Variants in TNS1 observed in about 807,000 individuals in gnomAD.
TNS1 encodes tensin-1.
Under a neutral mutation model 168.6 loss-of-function variants are expected in TNS1, and 62 were observed. The ratio of observed to expected loss-of-function variants is 0.37; its 90% CI spans 0.30 to 0.45. TNS1 has a LOEUF of 0.45. TNS1 is among the 20% of genes least tolerant of loss of function. The probability of loss-of-function intolerance (pLI) is 1.00; values close to 1 mark genes in which losing one functional copy is unlikely to be tolerated. For synonymous variants in TNS1, 934 were observed against 933.2 expected (o/e 1.00, Z -0.02); for missense variants, 2,240 against 2,339.4 (o/e 0.96, Z 0.88).
upstream of TNS1, among the ~76,000 whole-genome samples, chr2:218,013,604 G>A (rs1299986441): frequency 2.0e-5 from 3 of 151,290 alleles, no homozygotes; most frequent in Non-Finnish European, 4.4e-5. Context: ...CTATCCTCTG[G>A]GGACTGCTTG....
At chr2:218,006,642 G>C (rs181269610), upstream of TNS1, among the ~76,000 whole-genome samples, 41 of 152,310 alleles carry the variant, frequency 2.7e-4, no homozygotes, top group African/African-American at 9.6e-4. Flanking sequence ...GGGGTCACAA[G>C]GGCCTGGTGA....
At chr2:217,845,044 G>A (rs936748276) in intron 19 of TNS1, among the ~76,000 whole-genome samples, 3 of 152,216 alleles carry the variant, frequency 2.0e-5, no homozygotes, top group African/African-American at 7.2e-5. Context: ...TAAATTTCTG[G>A]TCCCTACCCT....
At position 217,892,928 on chromosome 2, in the gene TNS1, A is replaced by C; in HGVS notation, c.782+20T>G. The C allele has an allele frequency of 6.2e-7, 1 of 1,613,646 alleles. No homozygotes were observed. Among genetic ancestry groups the C allele is most frequent in the South Asian group, 1.1e-5 (1 of 91,038 alleles). On this transcript the variant is annotated intron_variant, in intron 11 of 32. Coordinates refer to ENST00000682258, the MANE Select transcript of TNS1 (RefSeq NM_001387777.1). ...ACACTGTCGATGTTCAGAGGATGGG[A>C]GGCTCCAGGCCCCTCTTACCTGGCA...
At position 217,885,834 on chromosome 2, in the gene TNS1, T is replaced by C. The variant is rs1183444185; in HGVS notation, c.1041-15A>G. On this transcript the variant is annotated splice_polypyrimidine_tract_variant and intron_variant, in intron 14 of 32. Coordinates refer to ENST00000682258, the MANE Select transcript of TNS1 (RefSeq NM_001387777.1). ...CTGGGATGTTGCTAAGGGAGAGAGG[T>C]GGGCAGAAAAAGAGTGGGCTGCTGG... 2.9e-5 allele frequency: 47 copies of C among 1,613,500 alleles called. No homozygotes were observed. The highest frequency in any genetic ancestry group is 4.0e-5 in the Non-Finnish European group (47 of 1,179,762).
chr2:217,856,042 G>C (rs886382174), intron 18 of TNS1, among the ~76,000 whole-genome samples: 1 of 152,146 alleles, frequency 6.6e-6, no homozygotes, highest in Non-Finnish European at 1.5e-5. Flanking sequence ...TGAAATAAGG[G>C]AGTTGATGAA....
In TNS1 at chr2:217,809,919, G is replaced by A. The variant is rs750538575; in HGVS notation, c.5177C>T (p.Thr1726Ile). 10 of 1,613,666 alleles carry A rather than the reference G, an allele frequency of 6.2e-6. No individual in the cohort carries two copies. The highest frequency in any genetic ancestry group is 5.5e-5 in the South Asian group (5 of 91,042). ...GGGGTCTGCAGCCAACGTCTCAGAT[G>A]TGGCTTTAGAGATGGCCTGTGGCCC... ...LTGPQAISKA[T>I]SETLAADPTP... Residue 1726 changes from threonine to isoleucine, a missense_variant, in exon 30 of 33, where the codon ACA becomes ATA. Physicochemically the swap from Thr to Ile is moderately conservative, Grantham distance 89. Around this residue, in one of 2 missense-constraint regions of TNS1, gnomAD observed 109 missense variants for 168.1 expected, o/e 0.65. Coordinates refer to ENST00000682258, the MANE Select transcript of TNS1 (RefSeq NM_001387777.1).
At chr2:217,892,620 C>T (rs1419540857) in intron 11 of TNS1, among the ~76,000 whole-genome samples, 1 of 152,202 alleles carries the variant, frequency 6.6e-6, no homozygotes, top group Non-Finnish European at 1.5e-5. Context: ...CTTTCTGACT[C>T]CCTTCCTGCT....
chr2:217,945,965 C>A (rs1243411316), intron 3 of TNS1, among the ~76,000 whole-genome samples: 2 of 152,176 alleles, frequency 1.3e-5, no homozygotes, highest in African/African-American at 4.8e-5. Context: ...GTATCCGGAA[C>A]AGCAGAATCC....
intron 22 of TNS1, among the ~76,000 whole-genome samples, chr2:217,824,127 C>T (rs1332523603): frequency 6.6e-6 from 1 of 152,196 alleles, no homozygotes; most frequent in Non-Finnish European, 1.5e-5. Flanking sequence ...ACATAGACAA[C>T]AGGACAGTGA....
At chr2:217,915,180 A>G (rs902390209) in intron 4 of TNS1, among the ~76,000 whole-genome samples, 9 of 152,336 alleles carry the variant, frequency 5.9e-5, no homozygotes, top group African/African-American at 2.2e-4. Flanking sequence ...AAGTGACTGC[A>G]CATCACCCTT....
intron 18 of TNS1, among the ~76,000 whole-genome samples, chr2:217,851,536 T>G (rs1366152582): frequency 6.6e-6 from 1 of 151,750 alleles, no homozygotes; most frequent in Admixed American, 6.6e-5. Flanking sequence ...CTGCCCCCAG[T>G]TTTCCCCAAG....
chr2:218,010,286 A>T (rs921961679), exon 1 of TNS1: 11 of 397,330 alleles, frequency 2.8e-5, no homozygotes, highest in African/African-American at 6.2e-5. Context: ...GGGGCGGGGT[A>T]GGAAGGCGGG....
intron 6 of TNS1, among the ~76,000 whole-genome samples, chr2:217,905,659 G>T (rs1443295265): frequency 6.6e-6 from 1 of 152,240 alleles, no homozygotes; most frequent in African/African-American, 2.4e-5. Flanking sequence ...TCAGAGAGGG[G>T]CAGGGAAGAA....
At position 217,892,937 on chromosome 2, in the gene TNS1, G is replaced by T. The variant is rs750228010; in HGVS notation, c.782+11C>A. On this transcript the variant is annotated intron_variant, in intron 11 of 32. Coordinates refer to ENST00000682258, the MANE Select transcript of TNS1 (RefSeq NM_001387777.1). ...ATGTTCAGAGGATGGGAGGCTCCAG[G>T]CCCCTCTTACCTGGCAGAAATGTTG... 6.2e-7 allele frequency: 1 copy of T among 1,613,936 alleles called. No individual in the cohort carries two copies. The highest frequency in any genetic ancestry group is 1.3e-5 in the African/African-American group (1 of 75,048).
In TNS1 at chr2:217,813,358, C is replaced by T; in HGVS notation, c.4862-51G>A. 7.2e-7 allele frequency: 1 copy of T among 1,387,024 alleles called. No individual in the cohort carries two copies. The highest frequency in any genetic ancestry group is 1.0e-6 in the Non-Finnish European group (1 of 996,614). The allele number at this position is 1,387,024 out of a possible 1,614,324, so 85.9% of individuals were successfully genotyped here. On this transcript the variant is annotated intron_variant, in intron 26 of 32. Coordinates refer to ENST00000682258, the MANE Select transcript of TNS1 (RefSeq NM_001387777.1). The surrounding 1 kb of genome is among the most constrained non-coding windows in gnomAD (Gnocchi z 4.0). The stretch of plus-strand genomic sequence containing the variant: ...CTCAGTCCCTGCCCATGGCTTCCTC[C>T]CACCACCTCCCAAGACTGCTTCAAA...
intron 2 of TNS1, among the ~76,000 whole-genome samples, chr2:217,980,330 C>G (rs78284961): frequency 6.6e-6 from 1 of 152,274 alleles, no homozygotes; most frequent in African/African-American, 2.4e-5. Context: ...CCCTCTCCCT[C>G]AGCACCACCA....
At chr2:218,000,996 A>G (rs1382044108) in intron 1 of TNS1, among the ~76,000 whole-genome samples, 1 of 152,136 alleles carries the variant, frequency 6.6e-6, no homozygotes, top group Non-Finnish European at 1.5e-5. Flanking sequence ...TACTAAAAAT[A>G]TAAAAAATTA....
chr2:217,940,060 C>T (rs1956834874), intron 3 of TNS1, among the ~76,000 whole-genome samples: 1 of 152,258 alleles, frequency 6.6e-6, no homozygotes, highest in Non-Finnish European at 1.5e-5. Context: ...GCCTGCCAGG[C>T]TGGCCACCCT....
Position 217,828,178 on chromosome 2 carries a change from G to A in TNS1, c.3373+3277C>T, listed in dbSNP as rs1008578190. Among the ~76,000 whole-genome samples the A allele has an allele frequency of 5.3e-5, 8 of 152,190 alleles. No homozygotes were observed. In the South Asian group the frequency reaches 1.0e-3, roughly 20 times the overall value. ...GGCTGCGGGGGAGCAAGGAGGGGCCGTTCCCAGCAGAGGGAAGCATGCTGT... is the reference window on the plus strand; with the variant it reads ...GGCTGCGGGGGAGCAAGGAGGGGCCATTCCCAGCAGAGGGAAGCATGCTGT... On this transcript the variant is annotated intron_variant, in intron 22 of 32. Transcript: ENST00000682258.
Sources: gnomAD v4.1 joint callset for allele counts (sites outside exome capture counted in the v4.1 genomes callset) on GRCh38, gnomAD v4.1.1 for gene constraint, gnomAD v4.1.1 regional missense constraint, Gnocchi (gnomAD v3.1) non-coding constraint, MANE v1.5 for transcripts, NCBI Gene and HGNC (gene_info 2026-07-23, HGNC 2026-07-21) for gene names.